Variants in BMP6 observed in about 807,000 individuals in gnomAD.
The protein encoded by BMP6 is VG-1-R.
A neutral mutation model predicts 54.1 loss-of-function variants in BMP6; 17 were observed. That is an observed-to-expected ratio of 0.31 (90% CI 0.22 to 0.47). BMP6 has a LOEUF of 0.47. Among genes scored for constraint, BMP6 ranks in the 20% least tolerant of loss-of-function variants. The probability of loss-of-function intolerance (pLI) is 1.00; values close to 1 mark genes in which losing one functional copy is unlikely to be tolerated. For missense variants in BMP6, 720 were observed against 690.4 expected, an observed-to-expected ratio of 1.04 and a Z score of -0.48; for synonymous variants, 328 against 291.2, an observed-to-expected ratio of 1.13 and a Z score of -1.28.
rs750566584 is a variant in BMP6 at position 7,862,369 on chromosome 6, A to T, written c.1075A>T (p.Met359Leu). 3 of 1,614,074 alleles carry T rather than the reference A, an allele frequency of 1.9e-6. No homozygotes were observed. The African/African-American group carries it at 4.0e-5, about 22-fold the overall frequency. The change falls in exon 4 of 7, where the codon ATG becomes TTG. Residue 359 changes from methionine (M) to leucine (L), a missense_variant. By Grantham distance (15) the Met-to-Leu change is conservative. Coordinates refer to ENST00000283147, the MANE Select transcript of BMP6 (RefSeq NM_001718.6). Reference sequence around the variant, plus strand: ...CGGCCCTTACGACAAGCAGCCCTTCATGGTGGCTTTCTTCAAAGTGAGTGA... The same window carrying T: ...CGGCCCTTACGACAAGCAGCCCTTCTTGGTGGCTTTCTTCAAAGTGAGTGA... ...RDGPYDKQPF[M>L]VAFFKVSEVH...
At chr6:7,842,665 C>T (rs1017296041) in intron 1 of BMP6, among the ~76,000 whole-genome samples, 8 of 152,202 alleles carry the variant, frequency 5.3e-5, no homozygotes, top group African/African-American at 1.9e-4. Context: ...CAGAGCCACC[C>T]GAAGGGAGCA....
intron 1 of BMP6, among the ~76,000 whole-genome samples, chr6:7,823,501 A>G (rs1325659415): frequency 2.6e-5 from 4 of 152,232 alleles, no homozygotes; most frequent in African/African-American, 9.6e-5. Flanking sequence ...AGGTAACAAT[A>G]AATTAATAAA....
At chr6:7,823,917 G>C (rs1758652997) in intron 1 of BMP6, among the ~76,000 whole-genome samples, 1 of 152,204 alleles carries the variant, frequency 6.6e-6, no homozygotes, top group Non-Finnish European at 1.5e-5. Flanking sequence ...CTGAGGAGGA[G>C]GACTTTTGAG....
chr6:7,813,178 G>C (rs1457534778), intron 1 of BMP6, among the ~76,000 whole-genome samples: 1 of 115,872 alleles, frequency 8.6e-6, no homozygotes, highest in Non-Finnish European at 1.7e-5. Context: ...GTAGATAAGG[G>C]ATCTTCATGA....
rs1380092931 is a variant in BMP6, at chr6:7,824,323, C to CAGTG, written c.665-20813_665-20810dup. On this transcript the variant is annotated intron_variant, in intron 1 of 6. Transcript: ENST00000283147. ...TTTCCAGGGCCACTTTGAGAAAAGG[C>CAGTG]AGTGAGTAGCAGGGGTCTCCGTCCG... Among the ~76,000 whole-genome samples the CAGTG allele has an allele frequency of 1.3e-5, 2 of 152,204 alleles. 1 individual carries two copies. The highest frequency in any genetic ancestry group is 4.8e-5 in the African/African-American group (2 of 41,454).
chr6:7,839,073 C>G (rs1037587481), intron 1 of BMP6, among the ~76,000 whole-genome samples: 1 of 152,030 alleles, frequency 6.6e-6, no homozygotes. Context: ...GTAGAATAAT[C>G]AAGTGTCATG....
chr6:7,877,986 C>G, intron 4 of BMP6, among the ~76,000 whole-genome samples: 1 of 152,140 alleles, frequency 6.6e-6, no homozygotes, highest in East Asian at 1.9e-4. Context: ...GTGGGAAGTC[C>G]GAAGCATTGT....
chr6:7,754,347 G>A (rs1462938710), intron 1 of BMP6, among the ~76,000 whole-genome samples: 1 of 152,136 alleles, frequency 6.6e-6, no homozygotes, highest in Non-Finnish European at 1.5e-5. Context: ...GAGCTCAAGC[G>A]ATCTGCCCTC....
chr6:7,845,911 G>A (rs1759054992), intron 2 of BMP6, among the ~76,000 whole-genome samples: 1 of 152,092 alleles, frequency 6.6e-6, no homozygotes, highest in Non-Finnish European at 1.5e-5. Context: ...TGAAGCATGT[G>A]CATGGAGCTG....
At chr6:7,794,087 C>G (rs775009303) in intron 1 of BMP6, among the ~76,000 whole-genome samples, 5 of 152,238 alleles carry the variant, frequency 3.3e-5, no homozygotes, top group African/African-American at 4.8e-5. Flanking sequence ...GCCTGTGGCA[C>G]TGATGCTCTT....
intron 1 of BMP6, among the ~76,000 whole-genome samples, chr6:7,754,809 C>G (rs1020102655): frequency 7.2e-5 from 11 of 152,162 alleles, no homozygotes; most frequent in African/African-American, 2.4e-4. Flanking sequence ...GCTCCGCCCC[C>G]CAGGTTCAAG....
intron 4 of BMP6, among the ~76,000 whole-genome samples, chr6:7,866,983 G>A (rs1489983771): frequency 6.6e-6 from 1 of 152,160 alleles, no homozygotes; most frequent in Non-Finnish European, 1.5e-5. Flanking sequence ...CGATTCTCCT[G>A]CCTCAGCCTC....
intron 4 of BMP6, among the ~76,000 whole-genome samples, chr6:7,865,486 T>G (rs1046232491): frequency 1.3e-5 from 2 of 152,138 alleles, no homozygotes; most frequent in Admixed American, 1.3e-4. Context: ...CTGAAGCGCT[T>G]CTTTATATTT....
intron 1 of BMP6, among the ~76,000 whole-genome samples, chr6:7,793,162 T>C (rs1412337766): frequency 6.6e-6 from 1 of 152,112 alleles, no homozygotes; most frequent in Non-Finnish European, 1.5e-5. Flanking sequence ...ATAAACAAAC[T>C]GGCACATCCA....
At chr6:7,813,108 A>AAAAATATATATATAT (rs1554122651) in intron 1 of BMP6, among the ~76,000 whole-genome samples, 3 of 21,496 alleles carry the variant, frequency 1.4e-4, no homozygotes, top group Non-Finnish European at 2.3e-4. Context: ...AAAAAAAAAA[A>AAAAATATATATATAT]ATATATATAT....
intron 1 of BMP6, among the ~76,000 whole-genome samples, chr6:7,736,670 A>G (rs1015237607): frequency 2.0e-5 from 3 of 152,250 alleles, no homozygotes; most frequent in Non-Finnish European, 4.4e-5. Context: ...GAATACAATA[A>G]TGGAGACAGA....
At chr6:7,771,392 A>C (rs865895529) in intron 1 of BMP6, among the ~76,000 whole-genome samples, 1 of 152,136 alleles carries the variant, frequency 6.6e-6, no homozygotes, top group African/African-American at 2.4e-5. Flanking sequence ...GTTGTTCTGC[A>C]CTGAGTTGAC....
At chr6:7,754,329 A>C (rs1757477082) in intron 1 of BMP6, among the ~76,000 whole-genome samples, 1 of 152,096 alleles carries the variant, frequency 6.6e-6, no homozygotes, top group South Asian at 2.1e-4. Context: ...CCTAGGTCTC[A>C]AACTCCTGAG....
At chr6:7,767,749 A>C (rs140629214) in intron 1 of BMP6, among the ~76,000 whole-genome samples, 335 of 152,192 alleles carry the variant, frequency 2.2e-3, no homozygotes, top group Non-Finnish European at 3.0e-3. Context: ...GCTACGTCTG[A>C]GTCTGCTTTT....
Sources: allele counts gnomAD v4.1 joint callset (sites outside exome capture counted in the v4.1 genomes callset), GRCh38; gene constraint gnomAD v4.1.1; transcripts MANE v1.5; gene names NCBI Gene and HGNC (gene_info 2026-07-23, HGNC 2026-07-21).